Variants in PDZRN3 observed in about 807,000 individuals in gnomAD.
PDZRN3 encodes PDZ domain containing ring finger 3.
Under a neutral mutation model 85.7 loss-of-function variants are expected in PDZRN3, and 38 were observed. That is an observed-to-expected ratio of 0.44 (90% confidence interval 0.34 to 0.58). The LOEUF is 0.58. PDZRN3 is among the 20% of genes least tolerant of loss of function. The probability of loss-of-function intolerance (pLI) is 0.01; values close to 1 mark genes in which losing one functional copy is unlikely to be tolerated. For missense variants in PDZRN3, 1,629 were observed against 1,506.4 expected, an observed-to-expected ratio of 1.08 and a Z score of -1.35; for synonymous variants, 759 against 638.0, an observed-to-expected ratio of 1.19 and a Z score of -2.86.
chr3:73,506,265 G>T (rs1408286177), intron 3 of PDZRN3, among the ~76,000 whole-genome samples: 1 of 152,052 alleles, frequency 6.6e-6, no homozygotes, highest in Non-Finnish European at 1.5e-5. Context: ...GTCGGGCCTG[G>T]GCAGGATAAC....
chr3:73,592,600 A>G (rs1702374257), intron 3 of PDZRN3, among the ~76,000 whole-genome samples: 1 of 152,190 alleles, frequency 6.6e-6, no homozygotes, highest in African/African-American at 2.4e-5. Flanking sequence ...AAATAGATTT[A>G]AACAGGGTAA....
In PDZRN3 at chr3:73,624,339, C is replaced by G; in HGVS notation, c.487G>C (p.Ala163Pro). ...CCGTTGTGCGCCCGCAGCGCTCGCGCGCAGCAGTGGCCGCCCGCGCGCTGC... is the reference window on the plus strand; with the variant it reads ...CCGTTGTGCGCCCGCAGCGCTCGCGGGCAGCAGTGGCCGCCCGCGCGCTGC... ...GEQRAGGHCC[A>P]RALRAHNGAL... Residue 163 changes from alanine to proline, a missense_variant, in exon 1 of 10, where the codon GCG becomes CCG. Coordinates refer to ENST00000263666, the MANE Select transcript of PDZRN3 (RefSeq NM_015009.3). The G allele has an allele frequency of 7.6e-7, 1 of 1,307,874 alleles. No homozygotes were observed. The highest frequency in any genetic ancestry group is 2.9e-4 in the Middle Eastern group (1 of 3,432). The allele number at this position is 1,307,874 out of a possible 1,614,324, so 81.0% of individuals were successfully genotyped here.
chr3:73,568,576 A>C (rs1378907835), intron 3 of PDZRN3, among the ~76,000 whole-genome samples: 1 of 152,180 alleles, frequency 6.6e-6, no homozygotes, highest in Non-Finnish European at 1.5e-5. Context: ...ATACACACCA[A>C]AACTACCTTC....
intron 3 of PDZRN3, among the ~76,000 whole-genome samples, chr3:73,489,871 C>T (rs1450754324): frequency 3.9e-5 from 6 of 151,974 alleles, no homozygotes; most frequent in East Asian, 3.9e-4. Flanking sequence ...CACGCCCGGC[C>T]GGTAGTTTCA....
intron 3 of PDZRN3, among the ~76,000 whole-genome samples, chr3:73,559,690 G>T (rs951870620): frequency 6.6e-6 from 1 of 152,138 alleles, no homozygotes; most frequent in Non-Finnish European, 1.5e-5. Flanking sequence ...TTTAAAATAA[G>T]TTTACACTTT....
chr3:73,609,943 CAGG>C (rs534900981), intron 1 of PDZRN3, among the ~76,000 whole-genome samples: 148 of 152,272 alleles, frequency 9.7e-4, no homozygotes, highest in African/African-American at 3.5e-3. Context: ...CACATTTTGC[CAGG>C]AGAACTGTGC....
intron 3 of PDZRN3, among the ~76,000 whole-genome samples, chr3:73,463,096 T>C (rs1329239390): frequency 2.0e-5 from 3 of 152,066 alleles, no homozygotes; most frequent in Non-Finnish European, 4.4e-5. Context: ...GGCATACATG[T>C]GAGAAGGGAA....
rs1285132958 is a variant in PDZRN3, at chr3:73,530,841, T to A, written c.918+71513A>T. On this transcript the variant is annotated intron_variant, in intron 3 of 9. Coordinates refer to ENST00000263666, the MANE Select transcript of PDZRN3 (RefSeq NM_015009.3). Reference sequence around the variant, plus strand: ...AGCATATTGACAACTCTTCTGTTACTTTGTTGTGACAAATTTAGCAGGTTA... The same window carrying A: ...AGCATATTGACAACTCTTCTGTTACATTGTTGTGACAAATTTAGCAGGTTA... Among the ~76,000 whole-genome samples, 3 of 152,356 alleles carry A rather than the reference T, an allele frequency of 2.0e-5. No individual in the cohort carries two copies. In the East Asian group the frequency reaches 5.8e-4, roughly 29 times the overall value.
At chr3:73,451,552 G>A (rs1702862530) in intron 3 of PDZRN3, among the ~76,000 whole-genome samples, 1 of 152,148 alleles carries the variant, frequency 6.6e-6, no homozygotes, top group South Asian at 2.1e-4. Context: ...GTGCAAAGAT[G>A]TGCCAAACAG....
chr3:73,624,079 T>G lies in PDZRN3; in HGVS notation c.723+24A>C, dbSNP rs1165276683. On this transcript the variant is annotated intron_variant, in intron 1 of 9. Transcript: ENST00000263666. ...GGTCCCCAGGGATCCTGGCTGGAGG[T>G]CGGGGCGGGCAGCAGGCGCCTACCT... The G allele has an allele frequency of 2.1e-6, 3 of 1,417,906 alleles. No individual in the cohort carries two copies. In the Admixed American group the frequency reaches 9.3e-5, roughly 44 times the overall value. 87.8% of individuals were successfully genotyped at this position (1,417,906 alleles called of 1,614,324 possible).
chr3:73,452,434 AT>A lies in PDZRN3; in HGVS notation c.919-48040del, dbSNP rs1409109744. ...CCACAGAGAGTTCTCCAAAACTGGT[AT>A]AGGAATATACTTTTTAACTTTGCAA... On this transcript the variant is annotated intron_variant, in intron 3 of 9. Transcript: ENST00000263666. Among the ~76,000 whole-genome samples the A allele has an allele frequency of 9.8e-5, 15 of 152,358 alleles. No individual in the cohort carries two copies. In the East Asian group the frequency reaches 2.9e-3, roughly 29 times the overall value.
chr3:73,528,805 T>C (rs891549845), intron 3 of PDZRN3, among the ~76,000 whole-genome samples: 3 of 151,990 alleles, frequency 2.0e-5, no homozygotes, highest in African/African-American at 7.3e-5. Flanking sequence ...GGTCTGTGCA[T>C]CAATGCTTTT....
intron 5 of PDZRN3, among the ~76,000 whole-genome samples, 164 bp downstream of exon 5, chr3:73,400,758 A>G (rs532112784): frequency 6.6e-6 from 1 of 152,368 alleles, no homozygotes; most frequent in South Asian, 2.1e-4. Context: ...CAAGGAAGGA[A>G]GAAGAATCTC....
At chr3:73,407,805 G>T (rs541814982) in intron 3 of PDZRN3, among the ~76,000 whole-genome samples, 1 of 152,306 alleles carries the variant, frequency 6.6e-6, no homozygotes, top group East Asian at 1.9e-4. Context: ...GCTACAAAGA[G>T]CTCCTCTGTG....
intron 3 of PDZRN3, among the ~76,000 whole-genome samples, chr3:73,435,212 AC>A (rs1264253291): frequency 1.3e-5 from 2 of 152,028 alleles, no homozygotes; most frequent in Non-Finnish European, 2.9e-5. Flanking sequence ...ATGCCTCTGG[AC>A]CCATTTCTCA....
intron 3 of PDZRN3, among the ~76,000 whole-genome samples, chr3:73,540,087 G>GAAAAAAA (rs1168662549): frequency 1.0e-4 from 5 of 50,004 alleles, no homozygotes; most frequent in Non-Finnish European, 1.8e-4. Context: ...ACTGTTGGAT[G>GAAAAAAA]AAAAAAAAAA....
At chr3:73,494,602 C>T (rs1469665253) in intron 3 of PDZRN3, among the ~76,000 whole-genome samples, 1 of 152,256 alleles carries the variant, frequency 6.6e-6, no homozygotes, top group Admixed American at 6.5e-5. Context: ...AGTTTCACCG[C>T]AATTGTATAT....
intron 1 of PDZRN3, among the ~76,000 whole-genome samples, chr3:73,618,964 T>C (rs988793632): frequency 1.3e-5 from 2 of 152,224 alleles, no homozygotes; most frequent in Admixed American, 6.5e-5. Flanking sequence ...CTCTAACAGA[T>C]ACATTTCAAA....
Position 73,384,398 on chromosome 3 carries a change from T to C in PDZRN3, c.2168A>G (p.Asn723Ser). Reference sequence around the variant, plus strand: ...GGTGTTGTAGTTGCGGAAGCCGCTGTTGTGCAGCATCCAGGACTCGCGGTA... The same window carrying C: ...GGTGTTGTAGTTGCGGAAGCCGCTGCTGTGCAGCATCCAGGACTCGCGGTA... ...EQYRESWMLHNSGFRNYNTSI... is the reference protein window; with the variant it reads ...EQYRESWMLHSSGFRNYNTSI... Residue 723 changes from asparagine (N) to serine (S), a missense_variant, in exon 10 of 10, where the codon AAC becomes AGC. Transcript: ENST00000263666. 1 of 1,609,700 alleles carries C rather than the reference T, an allele frequency of 6.2e-7. No homozygotes were observed. The highest frequency in any genetic ancestry group is 1.1e-5 in the South Asian group (1 of 91,084).
Sources: gnomAD v4.1 joint callset for allele counts (sites outside exome capture counted in the v4.1 genomes callset) on GRCh38, gnomAD v4.1.1 for gene constraint, MANE v1.5 for transcripts, NCBI Gene and HGNC (gene_info 2026-07-23, HGNC 2026-07-21) for gene names.